TSC1: variants seen among roughly 807,000 people sequenced by gnomAD.
The protein encoded by TSC1 is hamartin.
Under a neutral mutation model 124.3 loss-of-function variants are expected in TSC1, and 20 were observed. The ratio of observed to expected loss-of-function variants is 0.16; its 90% CI spans 0.11 to 0.23. The LOEUF (loss-of-function observed/expected upper bound fraction) is 0.23. Among genes scored for constraint, TSC1 ranks in the 10% least tolerant of loss-of-function variants. TSC1 has a pLI of 1.00. For synonymous variants in TSC1, 493 were observed against 539.1 expected, an observed-to-expected ratio of 0.91 and a Z score of 1.19; for missense variants, 1,124 against 1,448.5, an observed-to-expected ratio of 0.78 and a Z score of 3.64.
intron 12 of TSC1, chr9:132,910,270 C>T (rs1307585763): frequency 6.8e-6 from 4 of 592,108 alleles, no homozygotes; most frequent in Non-Finnish European, 1.2e-5. Context: ...CACTGCACTC[C>T]ACCCTGGGCG....
Position 132,896,301 on chromosome 9 carries a change from C to T in TSC1, c.3429G>A (p.Pro1143=), listed in dbSNP as rs759431801. The T allele has an allele frequency of 5.6e-6, 9 of 1,614,042 alleles. No homozygotes were observed. The highest frequency in any genetic ancestry group is 7.6e-6 in the Non-Finnish European group (9 of 1,180,048). ...GTAGCTGTCCAACACTGTCCGGGGTCGGGGGAGACGGGTGAGGGCCATCTA... is the reference window on the plus strand; with the variant it reads ...GTAGCTGTCCAACACTGTCCGGGGTTGGGGGAGACGGGTGAGGGCCATCTA... ...LNLDGPHPSP[P]TPDSVGQLHI... Residue 1143 remains proline (P), a synonymous_variant, in exon 23 of 23, where the codon CCG becomes CCA. Transcript: ENST00000298552. The surrounding 1 kb of genome is among the most constrained non-coding windows in gnomAD (Gnocchi z 4.5).
intron 8 of TSC1, 105 bp from the exon 9 acceptor site, chr9:132,912,562 C>A: frequency 3.0e-6 from 4 of 1,327,018 alleles, no homozygotes; most frequent in Non-Finnish European, 4.3e-6. Context: ...TAGCAAAGAA[C>A]AAGCGGGACC....
At position 132,927,162 on chromosome 9, in the gene TSC1, G is replaced by A. The variant is rs368336688; in HGVS notation, c.210+39C>T. ...CGTGCACAGAAGCTGTTGTACTCATGAAGAACATATGAAATGCCTATGATA... is the reference window on the plus strand; with the variant it reads ...CGTGCACAGAAGCTGTTGTACTCATAAAGAACATATGAAATGCCTATGATA... On this transcript the variant is annotated intron_variant, in intron 4 of 22. Transcript: ENST00000298552. 12 of 1,596,334 alleles carry A rather than the reference G, an allele frequency of 7.5e-6. No homozygotes were observed. In the African/African-American group the frequency reaches 1.6e-4, roughly 21 times the overall value.
rs1035008925 is a variant in TSC1, at chr9:132,903,231, CAG to C, written c.2208+418_2208+419del. 2.0e-5 allele frequency among the ~76,000 whole-genome samples: 3 copies of C among 152,194 alleles called. No homozygotes were observed. The highest frequency in any genetic ancestry group is 4.4e-5 in the Non-Finnish European group (3 of 68,028). On this transcript the variant is annotated intron_variant, in intron 17 of 22. Transcript: ENST00000298552. The surrounding 1 kb of genome is among the most constrained non-coding windows in gnomAD (Gnocchi z 5.9). ...TATTTCCATTTTATAGCATGGCTAA[CAG>C]AGGCTTCAAGAGGCCACGTTACTTT...
chr9:132,940,921 CAG>C (rs2132478158), intron 1 of TSC1: 1 of 152,132 alleles, frequency 6.6e-6, no homozygotes, highest in East Asian at 1.9e-4. Flanking sequence ...CTCAAAGTAG[CAG>C]AGTCTTAATG....
Position 132,895,913 on chromosome 9 carries a change from C to T in TSC1, c.*322G>A. The T allele has an allele frequency of 2.3e-6, 1 of 437,812 alleles. No homozygotes were observed. Among genetic ancestry groups the T allele is most frequent in the Non-Finnish European group, 4.2e-6 (1 of 238,126 alleles). The allele number at this position is 437,812 out of a possible 1,614,324, so 27.1% of individuals were successfully genotyped here. ...AAAGATTAAATTTGGCCTCATATTG[C>T]ACAGGTTCAAAGGACGCAACCATTT... is the stretch of plus-strand genomic sequence containing the variant. On this transcript the variant is annotated 3_prime_UTR_variant, in exon 23 of 23. Transcript: ENST00000298552.
intron 1 of TSC1, among the ~76,000 whole-genome samples, chr9:132,944,227 A>G (rs1286978699): frequency 6.6e-6 from 1 of 152,090 alleles, no homozygotes; most frequent in Non-Finnish European, 1.5e-5. Flanking sequence ...GGGACTGACG[A>G]AGGGGCCCAC....
At chr9:132,933,941 A>C (rs1185454462) in intron 2 of TSC1, among the ~76,000 whole-genome samples, 1 of 152,200 alleles carries the variant, frequency 6.6e-6, no homozygotes, top group Non-Finnish European at 1.5e-5. Context: ...TGAAGTATAC[A>C]CAAAAACACT....
intron 2 of TSC1, among the ~76,000 whole-genome samples, chr9:132,933,553 G>A (rs181931269): frequency 3.9e-5 from 6 of 152,128 alleles, no homozygotes; most frequent in African/African-American, 1.2e-4. Context: ...CAGGTACAAG[G>A]TTCCTTCCAG....
chr9:132,906,322 G>C lies in TSC1; in HGVS notation c.1439-183C>G, dbSNP rs10901221. ...GAACTTTGGGAGGCTGAGGAGGGAG[G>C]ATCACTTGAGCCCAGGAGTTAGAGA... On this transcript the variant is annotated intron_variant, in intron 14 of 22. Coordinates refer to ENST00000298552, the MANE Select transcript of TSC1 (RefSeq NM_000368.5). The surrounding 1 kb of genome is among the most constrained non-coding windows in gnomAD (Gnocchi z 4.1). 98,070 of 703,812 alleles carry C rather than the reference G, an allele frequency of 0.14. 7,372 individuals are homozygous for C. The highest frequency in any genetic ancestry group is 0.21 in the African/African-American group (12,097 of 57,006). 43.6% of individuals were successfully genotyped at this position (703,812 alleles called of 1,614,324 possible).
intron 8 of TSC1, among the ~76,000 whole-genome samples, chr9:132,913,125 T>A (rs566044287): frequency 1.3e-5 from 2 of 152,066 alleles, no homozygotes; most frequent in East Asian, 3.9e-4. Context: ...AGAAATGGGG[T>A]CTCACTTTGT....
At position 132,913,855 on chromosome 9, in the gene TSC1, A is replaced by C. The variant is rs568214217; in HGVS notation, c.738-1398T>G. On this transcript the variant is annotated intron_variant, in intron 8 of 22. Coordinates refer to ENST00000298552, the MANE Select transcript of TSC1 (RefSeq NM_000368.5). ...AAAAAAAAAAAAAAAAAGTGAGCCA[A>C]TGTGCCAGCCTCCCATGGGTTTTTT... is the stretch of plus-strand genomic sequence containing the variant. 4.6e-4 allele frequency among the ~76,000 whole-genome samples: 67 copies of C among 146,440 alleles called. 1 individual carries two copies. Among genetic ancestry groups the C allele is most frequent in the African/African-American group, 1.6e-3 (65 of 39,798 alleles).
intron 2 of TSC1, among the ~76,000 whole-genome samples, chr9:132,930,971 A>G (rs571738395): frequency 6.6e-6 from 1 of 152,366 alleles, no homozygotes; most frequent in East Asian, 1.9e-4. Flanking sequence ...TATCAGGTAC[A>G]TATAAACACT....
chr9:132,936,127 C>T (rs1403406263), intron 1 of TSC1, among the ~76,000 whole-genome samples: 1 of 152,108 alleles, frequency 6.6e-6, no homozygotes, highest in African/African-American at 2.4e-5. Flanking sequence ...TTCTTTCTCT[C>T]TTTCTTTTTT....
At chr9:132,942,577 A>G (rs1316625899) in intron 1 of TSC1, among the ~76,000 whole-genome samples, 1 of 152,232 alleles carries the variant, frequency 6.6e-6, no homozygotes, top group Non-Finnish European at 1.5e-5. Context: ...CCAGTGAGGA[A>G]GAGGACAACT....
At position 132,897,318 on chromosome 9, in the gene TSC1, C is replaced by A. The variant is rs1417111404; in HGVS notation, c.2841G>T (p.Arg947Ser). The A allele has an allele frequency of 6.2e-7, 1 of 1,614,202 alleles. No individual in the cohort carries two copies. Among genetic ancestry groups the A allele is most frequent in the Admixed American group, 1.7e-5 (1 of 60,028 alleles). ...ARGQLQAAESRYEAQKRITQV... is the reference protein window; with the variant it reads ...ARGQLQAAESSYEAQKRITQV... ...GGGTTATCCTTTTCTGAGCCTCATACCTGCTCTCTGCGGCCTGCAGCTGTC... is the reference window on the plus strand; with the variant it reads ...GGGTTATCCTTTTCTGAGCCTCATAACTGCTCTCTGCGGCCTGCAGCTGTC... The change falls in exon 22 of 23, where the codon AGG (arginine) becomes AGT (serine). Residue 947 changes from arginine (R) to serine (S), a missense_variant. Arg to Ser is a moderately radical substitution (Grantham distance 110). Transcript: ENST00000298552.
chr9:132,941,687 A>C (rs1453312815), intron 1 of TSC1: 2 of 152,222 alleles, frequency 1.3e-5, no homozygotes, highest in African/African-American at 2.4e-5. Context: ...TTACCTTTTC[A>C]AAGAGTATTA....
At chr9:132,919,917 T>C (rs978643163) in intron 8 of TSC1, among the ~76,000 whole-genome samples, 1 of 152,198 alleles carries the variant, frequency 6.6e-6, no homozygotes, top group Non-Finnish European at 1.5e-5. Context: ...ACTGATGAAA[T>C]TCCTACTCTC....
upstream of TSC1, chr9:132,944,816 AG>A (rs567276269): frequency 1.6e-4 from 60 of 384,330 alleles, no homozygotes; most frequent in Admixed American, 2.7e-4. Context: ...GTTTTTATGG[AG>A]GGGGGCGGGG....
Sources: gnomAD v4.1 joint callset for allele counts (sites outside exome capture counted in the v4.1 genomes callset) on GRCh38, gnomAD v4.1.1 for gene constraint, Gnocchi (gnomAD v3.1) non-coding constraint, MANE v1.5 for transcripts, NCBI Gene and HGNC (gene_info 2026-07-23, HGNC 2026-07-21) for gene names.